The following METTL15 variants were observed in gnomAD, a reference collection of about 807,000 sequenced individuals.
METTL15 encodes 12S rRNA N(4)-cytidine methyltransferase METTL15.
A neutral mutation model predicts 38.3 loss-of-function variants in METTL15; 34 were observed. The ratio of observed to expected loss-of-function variants is 0.89; its 90% CI spans 0.68 to 1.18. METTL15 has a LOEUF of 1.18. Among genes scored for constraint, METTL15 ranks in the 50% most tolerant of loss-of-function variants. The pLI, the probability that METTL15 is intolerant of heterozygous loss-of-function variation, is 0.00. For missense variants in METTL15, 438 were observed against 498.4 expected, an observed-to-expected ratio of 0.88 and a Z score of 1.15; for synonymous variants, 162 against 170.9, an observed-to-expected ratio of 0.95 and a Z score of 0.41.
intron 5 of METTL15, among the ~76,000 whole-genome samples, chr11:28,291,295 C>T (rs780832431): frequency 5.9e-5 from 9 of 152,080 alleles, no homozygotes; most frequent in Non-Finnish European, 1.2e-4. Flanking sequence ...ATCCACTTGC[C>T]TCAGCCTCCC....
Position 28,146,045 on chromosome 11 carries a change from CTATA to C in METTL15, c.270+32444_270+32447del, listed in dbSNP as rs534784370. On this transcript the variant is annotated intron_variant, in intron 3 of 6. Transcript: ENST00000407364. ...ATGTTGGTTATATTATTTATATCCTCTATATAGTTTAAAAAACAGCTAGCATATT... is the reference window on the plus strand; with the variant it reads ...ATGTTGGTTATATTATTTATATCCTCTAGTTTAAAAAACAGCTAGCATATT... Among the ~76,000 whole-genome samples, 24 of 152,010 alleles carry C rather than the reference CTATA, an allele frequency of 1.6e-4. No homozygotes were observed. The South Asian group carries it at 5.0e-3, about 32-fold the overall frequency.
At chr11:28,461,091 C>G (rs1590382524) in intron 6 of METTL15, among the ~76,000 whole-genome samples, 1 of 151,508 alleles carries the variant, frequency 6.6e-6, no homozygotes, top group South Asian at 2.1e-4. Flanking sequence ...AGAAGGGGGA[C>G]AGATAATACC....
At chr11:28,298,930 T>C (rs931370200) in intron 6 of METTL15, among the ~76,000 whole-genome samples, 2 of 152,108 alleles carry the variant, frequency 1.3e-5, no homozygotes, top group Non-Finnish European at 2.9e-5. Context: ...TCCTAAATAC[T>C]AAAGGTAAAA....
intron 3 of METTL15, among the ~76,000 whole-genome samples, chr11:28,157,439 C>G (rs1850300991): frequency 6.6e-6 from 1 of 152,180 alleles, no homozygotes; most frequent in Non-Finnish European, 1.5e-5. Context: ...GAGCCTTTGG[C>G]AGGCCCCCCA....
rs572691538 is a variant in METTL15 at position 28,349,093 on chromosome 11, T to C, written c.*190-2997T>C. On this transcript the variant is annotated intron_variant and NMD_transcript_variant, in intron 3 of 7. Transcript: ENST00000532947. ...CCACATACATTTATATTTATCTCTA[T>C]ATACATCTACAACTAAAACTAATAG... Among the ~76,000 whole-genome samples, 18 of 152,360 alleles carry C rather than the reference T, an allele frequency of 1.2e-4. No homozygotes were observed. In the South Asian group the frequency reaches 3.5e-3, roughly 30 times the overall value.
intron 6 of METTL15, among the ~76,000 whole-genome samples, chr11:28,487,087 T>C (rs1157404063): frequency 6.6e-6 from 1 of 152,204 alleles, no homozygotes; most frequent in Non-Finnish European, 1.5e-5. Flanking sequence ...TTTGGTGAGA[T>C]TGCAGTGAAA....
intron 3 of METTL15, among the ~76,000 whole-genome samples, chr11:28,119,151 TC>T (rs1852100412): frequency 6.6e-6 from 1 of 152,174 alleles, no homozygotes; most frequent in African/African-American, 2.4e-5. Flanking sequence ...CAATTATATA[TC>T]ATGTACTTTT....
chr11:28,190,837 T>G (rs985113542), intron 3 of METTL15, among the ~76,000 whole-genome samples: 11 of 151,356 alleles, frequency 7.3e-5, no homozygotes, highest in Non-Finnish European at 1.3e-4. Flanking sequence ...AAAACATTTG[T>G]AATCATGGAA....
At chr11:28,385,947 T>C (rs1003186790) in intron 5 of METTL15, among the ~76,000 whole-genome samples, 14 of 152,128 alleles carry the variant, frequency 9.2e-5, no homozygotes, top group African/African-American at 3.4e-4. Context: ...TGTAAAATTA[T>C]GTTAATGGAT....
chr11:28,173,605 T>C (rs1258738293), intron 3 of METTL15, among the ~76,000 whole-genome samples: 1 of 152,230 alleles, frequency 6.6e-6, no homozygotes, highest in Non-Finnish European at 1.5e-5. Flanking sequence ...GGTGTATTTG[T>C]TATAATTATT....
chr11:28,183,048 GCTCT>G (rs1389423369), intron 3 of METTL15, among the ~76,000 whole-genome samples: 2 of 151,852 alleles, frequency 1.3e-5, no homozygotes, highest in African/African-American at 4.8e-5. Flanking sequence ...TCAATATTTG[GCTCT>G]CTGTTTGTCT....
At chr11:28,392,153 G>T (rs972438575) in intron 5 of METTL15, among the ~76,000 whole-genome samples, 26 of 152,002 alleles carry the variant, frequency 1.7e-4, no homozygotes, top group Non-Finnish European at 2.9e-4. Context: ...AGTGGGCAAA[G>T]GATATGAACA....
chr11:28,347,827 G>A (rs1850008674), intron 3 of METTL15, among the ~76,000 whole-genome samples: 1 of 152,162 alleles, frequency 6.6e-6, no homozygotes, highest in South Asian at 2.1e-4. Flanking sequence ...CCATATCTAA[G>A]TTATCTCCTT....
intron 3 of METTL15, among the ~76,000 whole-genome samples, chr11:28,346,377 T>C (rs982267055): frequency 6.6e-6 from 1 of 152,178 alleles, no homozygotes; most frequent in African/African-American, 2.4e-5. Flanking sequence ...GCTACAATAT[T>C]ACAGTGTTAA....
At chr11:28,211,900 A>G (rs942799849) in intron 4 of METTL15, among the ~76,000 whole-genome samples, 21 of 152,032 alleles carry the variant, frequency 1.4e-4, no homozygotes, top group African/African-American at 5.1e-4. Flanking sequence ...TCTGTCATTC[A>G]TCAGAGACTG....
At chr11:28,477,220 A>C (rs2133469245) in intron 6 of METTL15, among the ~76,000 whole-genome samples, 1 of 152,290 alleles carries the variant, frequency 6.6e-6, no homozygotes, top group South Asian at 2.1e-4. Flanking sequence ...CGTCTCACCC[A>C]GGCTAGAGAG....
intron 5 of METTL15, chr11:28,398,760 G>A (rs985811379): frequency 2.0e-5 from 3 of 151,970 alleles, no homozygotes; most frequent in Non-Finnish European, 4.4e-5. Context: ...CCTGTGTCCT[G>A]AATGGTACTG....
chr11:28,224,285 A>G (rs1211218366), intron 4 of METTL15, among the ~76,000 whole-genome samples: 1 of 151,862 alleles, frequency 6.6e-6, no homozygotes, highest in Non-Finnish European at 1.5e-5. Context: ...AAAGTTTAAA[A>G]TCCATTTTGG....
chr11:28,444,676 A>G (rs1407179323), intron 6 of METTL15, among the ~76,000 whole-genome samples: 1 of 152,176 alleles, frequency 6.6e-6, no homozygotes, highest in South Asian at 2.1e-4. Context: ...GCTGCCTTGC[A>G]GAAATGTTGC....
Sources: gnomAD v4.1 joint callset for allele counts (sites outside exome capture counted in the v4.1 genomes callset) on GRCh38, gnomAD v4.1.1 for gene constraint, MANE v1.5 for transcripts, NCBI Gene and HGNC (gene_info 2026-07-23, HGNC 2026-07-21) for gene names.